The following DMXL1 variants were observed in gnomAD, a reference collection of about 807,000 sequenced individuals.
The protein encoded by DMXL1 is Dmx like 1.
DMXL1 carries 99 observed loss-of-function variants against 319.2 expected under a neutral mutation model. The observed-to-expected ratio is 0.31, with a 90% CI of 0.26 to 0.37. DMXL1 has a LOEUF of 0.37. DMXL1 is among the 10% of genes least tolerant of loss of function. DMXL1 has a pLI of 1.00. For missense variants in DMXL1, 3,745 were observed against 3,595.6 expected (o/e 1.04, Z -1.06); for synonymous variants, 1,385 against 1,235.2 (o/e 1.12, Z -2.54).
intron 22 of DMXL1, 129 bp from the exon 23 acceptor site, chr5:119,167,474 C>T: frequency 1.3e-6 from 1 of 765,538 alleles, no homozygotes; most frequent in Non-Finnish European, 2.1e-6. Context: ...TGTTTTGTTT[C>T]TTATCCTTCT....
At chr5:119,210,308 C>T (rs1581346487) in intron 34 of DMXL1, among the ~76,000 whole-genome samples, 1 of 152,160 alleles carries the variant, frequency 6.6e-6, no homozygotes, top group East Asian at 1.9e-4. Flanking sequence ...TGTATTAGTT[C>T]TGGTTATTCA....
chr5:119,221,400 A>G (rs538458319), intron 37 of DMXL1, among the ~76,000 whole-genome samples: 2 of 152,338 alleles, frequency 1.3e-5, no homozygotes, highest in Admixed American at 1.3e-4. Flanking sequence ...CTGTTTTTAT[A>G]TAGCTAATAT....
intron 19 of DMXL1, among the ~76,000 whole-genome samples, chr5:119,162,722 C>T (rs1772534778): frequency 6.6e-6 from 1 of 152,178 alleles, no homozygotes; most frequent in African/African-American, 2.4e-5. Context: ...TGCCATCTTA[C>T]TGATGTCTAA....
chr5:119,133,462 A>G, intron 11 of DMXL1, 32 bp from the exon 12 acceptor site: 1 of 1,576,696 alleles, frequency 6.3e-7, no homozygotes, highest in East Asian at 2.2e-5. Context: ...ATATAATTTT[A>G]TATGTTCTAA....
intron 1 of DMXL1, among the ~76,000 whole-genome samples, chr5:119,075,627 ATTAT>A (rs986126201): frequency 6.6e-6 from 1 of 151,998 alleles, no homozygotes; most frequent in African/African-American, 2.4e-5. Context: ...CTAAGCAAAA[ATTAT>A]TTATTTTTTC....
chr5:119,175,762 C>G (rs190013777), intron 26 of DMXL1, among the ~76,000 whole-genome samples: 1 of 152,116 alleles, frequency 6.6e-6, no homozygotes, highest in East Asian at 1.9e-4. Context: ...GAGGGAGTAA[C>G]TTGGAATTGA....
chr5:119,197,611 C>A, intron 31 of DMXL1, 144 bp from the exon 32 acceptor site: 1 of 747,080 alleles, frequency 1.3e-6, no homozygotes, highest in Non-Finnish European at 2.2e-6. Flanking sequence ...GCACATCTTC[C>A]CTGCCAAAGT....
At chr5:119,073,733 G>A (rs920943909) in intron 1 of DMXL1, among the ~76,000 whole-genome samples, 3 of 152,024 alleles carry the variant, frequency 2.0e-5, no homozygotes, top group Admixed American at 1.3e-4. Flanking sequence ...TAGTTTTGAT[G>A]GAATTTTAAG....
chr5:119,166,564 T>A, intron 21 of DMXL1, 52 bp from the exon 22 acceptor site: 1 of 1,503,846 alleles, frequency 6.6e-7, no homozygotes, highest in Non-Finnish European at 9.1e-7. Flanking sequence ...TTGATTCTGA[T>A]GTAAAGAAAA....
chr5:119,174,255 A>G (rs1561796834), intron 25 of DMXL1, among the ~76,000 whole-genome samples: 1 of 152,132 alleles, frequency 6.6e-6, no homozygotes, highest in Non-Finnish European at 1.5e-5. Flanking sequence ...TTCAAATGGT[A>G]GTTTCAGGGG....
Position 119,149,407 on chromosome 5 carries a change from C to G in DMXL1, c.3580C>G (p.Leu1194Val). The change falls in exon 18 of 44, where the codon CTT becomes GTT. Residue 1194 changes from leucine (L) to valine (V), a missense_variant. Leu to Val is a conservative substitution (Grantham distance 32). Around this residue, in one of 4 missense-constraint regions of DMXL1, gnomAD observed 2,096 missense variants for 1,985.4 expected, o/e 1.06. Transcript: ENST00000539542. Reference protein sequence around the residue: ...PLWESTKVVPLSKFVLLRSVD... With the variant: ...PLWESTKVVPVSKFVLLRSVD... Reference sequence around the variant, plus strand: ...CTGGGAGAGTACCAAAGTTGTGCCCCTTTCTAAATTTGTACTATTACGAAG... The same window carrying G: ...CTGGGAGAGTACCAAAGTTGTGCCCGTTTCTAAATTTGTACTATTACGAAG... 3.1e-6 allele frequency: 5 copies of G among 1,613,874 alleles called. No individual in the cohort carries two copies. The highest frequency in any genetic ancestry group is 3.4e-6 in the Non-Finnish European group (4 of 1,179,856).
At chr5:119,189,968 T>C in intron 29 of DMXL1, 82 bp downstream of exon 29, 2 of 1,372,442 alleles carry the variant, frequency 1.5e-6, no homozygotes, top group Non-Finnish European at 2.0e-6. Flanking sequence ...TTTTTGGTGC[T>C]TCCAAATGTT....
At chr5:119,150,856 T>C (rs1053720145) in intron 18 of DMXL1, among the ~76,000 whole-genome samples, 37 of 152,044 alleles carry the variant, frequency 2.4e-4, no homozygotes, top group African/African-American at 8.7e-4. Context: ...CAGTTTTAAC[T>C]TTTTTTCCCC....
intron 30 of DMXL1, among the ~76,000 whole-genome samples, chr5:119,194,257 G>A (rs1779207239): frequency 6.6e-6 from 1 of 152,086 alleles, no homozygotes; most frequent in South Asian, 2.1e-4. Context: ...TCCGTAATTT[G>A]CATCATTCCT....
chr5:119,181,210 TA>T (rs1776717260), intron 28 of DMXL1, among the ~76,000 whole-genome samples: 1 of 152,188 alleles, frequency 6.6e-6, no homozygotes, highest in Non-Finnish European at 1.5e-5. Context: ...ACCACTTATT[TA>T]ACCCCAAGTA....
chr5:119,171,294 T>G lies in DMXL1; in HGVS notation c.6489+14T>G, dbSNP rs911431013. 1 of 1,562,540 alleles carries G rather than the reference T, an allele frequency of 6.4e-7. No homozygotes were observed. The highest frequency in any genetic ancestry group is 8.7e-7 in the Non-Finnish European group (1 of 1,155,910). ...GAATCTCAGCAGGTATGTAATTTAC[T>G]TGATAGTCAAAAATGGTACATGTCT... On this transcript the variant is annotated intron_variant, in intron 24 of 43. Coordinates refer to ENST00000539542, the MANE Select transcript of DMXL1 (RefSeq NM_001290321.3).
intron 1 of DMXL1, among the ~76,000 whole-genome samples, chr5:119,095,706 A>G (rs1755793616): frequency 6.6e-6 from 1 of 152,214 alleles, no homozygotes; most frequent in African/African-American, 2.4e-5. Context: ...AAGGAGAAAA[A>G]TTAGTTTCTA....
At position 119,129,201 on chromosome 5, in the gene DMXL1, T is replaced by TC; in HGVS notation, c.1103-9dup. On this transcript the variant is annotated splice_polypyrimidine_tract_variant and intron_variant, in intron 9 of 43. Transcript: ENST00000539542. ...AAAAATTTTAATTTTATCTTTTTTT[T>TC]CTCTTATAGACATTCCACTTCTTCC... The TC allele has an allele frequency of 6.6e-7, 1 of 1,516,460 alleles. No individual in the cohort carries two copies. The highest frequency in any genetic ancestry group is 8.9e-7 in the Non-Finnish European group (1 of 1,124,874). The allele number at this position is 1,516,460 out of a possible 1,614,324, so 93.9% of individuals were successfully genotyped here.
intron 1 of DMXL1, among the ~76,000 whole-genome samples, chr5:119,097,206 A>G: frequency 6.6e-6 from 1 of 152,366 alleles, no homozygotes; most frequent in Non-Finnish European, 1.5e-5. Flanking sequence ...CATTTAGGAT[A>G]TTGACCATGG....
Sources: gnomAD v4.1 joint callset for allele counts (sites outside exome capture counted in the v4.1 genomes callset) on GRCh38, gnomAD v4.1.1 for gene constraint, gnomAD v4.1.1 regional missense constraint, MANE v1.5 for transcripts, NCBI Gene and HGNC (gene_info 2026-07-23, HGNC 2026-07-21) for gene names.